The following LARGE1 variants were observed in gnomAD, a reference collection of about 807,000 sequenced individuals.
LARGE1 encodes LARGE xylosyl- and glucuronyltransferase 1, also known as xylosyl- and glucuronyltransferase LARGE1.
Under a neutral mutation model 87.6 loss-of-function variants are expected in LARGE1, and 43 were observed. The observed-to-expected ratio is 0.49, with a 90% CI of 0.38 to 0.63. The LOEUF (loss-of-function observed/expected upper bound fraction) is 0.63. Among genes scored for constraint, LARGE1 ranks in the 30% least tolerant of loss-of-function variants. The pLI is 0.00. For missense variants in LARGE1, 802 were observed against 1,000.2 expected, an observed-to-expected ratio of 0.80 and a Z score of 2.67; for synonymous variants, 434 against 394.6, an observed-to-expected ratio of 1.10 and a Z score of -1.18.
chr22:33,560,194 A>C (rs2077813841), intron 6 of LARGE1, among the ~76,000 whole-genome samples: 1 of 152,204 alleles, frequency 6.6e-6, no homozygotes, highest in Admixed American at 6.5e-5. Context: ...TAGGAACATC[A>C]ACAGTAATCA....
chr22:33,245,895 C>T (rs142072454), intron 11 of LARGE1, among the ~76,000 whole-genome samples: 41 of 152,216 alleles, frequency 2.7e-4, no homozygotes, highest in Non-Finnish European at 4.7e-4. Context: ...GGCAACAGAA[C>T]GAGACTCCAT....
the LARGE1 span, among the ~76,000 whole-genome samples, chr22:33,098,296 C>T: frequency 6.6e-6 from 1 of 152,088 alleles, no homozygotes; most frequent in African/African-American, 2.4e-5. Flanking sequence ...GAGGAAGACC[C>T]GGTCTCAAAA....
intron 6 of LARGE1, among the ~76,000 whole-genome samples, chr22:33,498,903 C>T (rs922862703): frequency 2.0e-5 from 3 of 151,950 alleles, no homozygotes; most frequent in South Asian, 2.1e-4. Flanking sequence ...ATCCAGGAGG[C>T]GGAGGTTGCA....
rs563202120 is a variant in LARGE1 at position 33,491,623 on chromosome 22, A to G, written c.788-59358T>C. On this transcript the variant is annotated intron_variant, in intron 6 of 14. Transcript: ENST00000397394. ...CTGAGCCTCAGCTCTTTGCCTATAA[A>G]GGAGAAATCACAAGGAGCTCTGCCT... Among the ~76,000 whole-genome samples the G allele has an allele frequency of 3.5e-3, 535 of 152,360 alleles. 5 individuals are homozygous for G. The highest frequency in any genetic ancestry group is 0.024 in the South Asian group (114 of 4,826).
At chr22:33,848,148 T>C (rs2063486052) in intron 1 of LARGE1, among the ~76,000 whole-genome samples, 1 of 152,066 alleles carries the variant, frequency 6.6e-6, no homozygotes, top group Admixed American at 6.5e-5. Flanking sequence ...GGCAGCGTAT[T>C]TTTTTTGAGT....
chr22:33,631,572 T>G (rs2080112033), intron 3 of LARGE1, among the ~76,000 whole-genome samples: 1 of 152,190 alleles, frequency 6.6e-6, no homozygotes, highest in East Asian at 1.9e-4. Context: ...CTTGTCCCAC[T>G]GGAAGGTCCT....
At chr22:33,747,199 A>C (rs1306345082) in intron 2 of LARGE1, among the ~76,000 whole-genome samples, 1 of 152,138 alleles carries the variant, frequency 6.6e-6, no homozygotes, top group Non-Finnish European at 1.5e-5. Flanking sequence ...TGAAAGGACT[A>C]AGCTTCCCGA....
intron 6 of LARGE1, among the ~76,000 whole-genome samples, chr22:33,517,125 A>G (rs1488086815): frequency 6.6e-6 from 1 of 152,134 alleles, no homozygotes; most frequent in Non-Finnish European, 1.5e-5. Context: ...TTTCCCTACA[A>G]ATTCCCCTTA....
At chr22:33,873,556 G>T (rs2064369924) in intron 1 of LARGE1, among the ~76,000 whole-genome samples, 1 of 152,048 alleles carries the variant, frequency 6.6e-6, no homozygotes. Context: ...TCTGCCTGGG[G>T]TCCAGCCTCT....
At chr22:33,650,334 C>T (rs1180973941) in intron 3 of LARGE1, 33 bp downstream of exon 3, 2 of 1,613,412 alleles carry the variant, frequency 1.2e-6, no homozygotes, top group Admixed American at 3.3e-5. Context: ...GGACTTTGGA[C>T]AACTTCCTCC....
chr22:33,409,608 G>A (rs942039900), intron 7 of LARGE1, among the ~76,000 whole-genome samples: 4 of 150,800 alleles, frequency 2.7e-5, no homozygotes, highest in African/African-American at 4.8e-5. Flanking sequence ...ATAATAAAAC[G>A]AAATCCACTT....
At chr22:33,577,743 G>A (rs1268395426) in intron 5 of LARGE1, among the ~76,000 whole-genome samples, 2 of 152,242 alleles carry the variant, frequency 1.3e-5, no homozygotes, top group Non-Finnish European at 2.9e-5. Context: ...CACCTTGCAG[G>A]TGAGTTTAAA....
At chr22:33,841,363 G>A (rs1215679268) in intron 1 of LARGE1, among the ~76,000 whole-genome samples, 6 of 152,132 alleles carry the variant, frequency 3.9e-5, no homozygotes, top group African/African-American at 9.7e-5. Flanking sequence ...CAATCTGTAA[G>A]GTCCAGAGGT....
At chr22:33,619,668 C>T (rs1384717764) in intron 4 of LARGE1, among the ~76,000 whole-genome samples, 2 of 152,008 alleles carry the variant, frequency 1.3e-5, no homozygotes. Context: ...TCCAACTAGG[C>T]TCTGCCCATC....
At chr22:33,676,372 C>CAA (rs10567981) in intron 2 of LARGE1, among the ~76,000 whole-genome samples, 469 of 16,316 alleles carry the variant, frequency 0.029, 155 homozygotes, top group Non-Finnish European at 0.048. Context: ...GATTCAATGG[C>CAA]AAAAAAAAAA....
chr22:33,634,282 G>A (rs933478850), intron 3 of LARGE1, among the ~76,000 whole-genome samples: 13 of 152,102 alleles, frequency 8.5e-5, no homozygotes, highest in South Asian at 2.1e-4. Flanking sequence ...AACAGAGTGC[G>A]GACTCCTCCC....
At chr22:33,330,584 A>G (rs1240478877) in intron 10 of LARGE1, among the ~76,000 whole-genome samples, 1 of 152,210 alleles carries the variant, frequency 6.6e-6, no homozygotes, top group African/African-American at 2.4e-5. Context: ...TCAATCAATC[A>G]ACTCATAATA....
At position 33,337,646 on chromosome 22, in the gene LARGE1, G is replaced by T. The variant is rs561439887; in HGVS notation, c.1287C>A (p.Asn429Lys). Residue 429 changes from asparagine (N) to lysine (K), a missense_variant and splice_region_variant, in exon 10 of 15, where the codon AAC becomes AAA. Around this residue, in one of 2 missense-constraint regions of LARGE1, gnomAD observed 625 missense variants for 841.9 expected, o/e 0.74. Transcript: ENST00000397394. ...CTGCCCAGCCTTGCGAGCCACTTAC[G>T]TTTTCACTGTTGACATCAGCCTCAC... is the stretch of plus-strand genomic sequence containing the variant. ...CPSEADVNSE[N>K]LQKQLSELDE... is the part of the protein sequence containing the mutation. 1.2e-6 allele frequency: 2 copies of T among 1,614,024 alleles called. No homozygotes were observed. Among genetic ancestry groups the T allele is most frequent in the South Asian group, 1.1e-5 (1 of 91,062 alleles).
chr22:33,908,597 A>T (rs919265652), intron 1 of LARGE1, among the ~76,000 whole-genome samples: 2 of 152,194 alleles, frequency 1.3e-5, no homozygotes, highest in Non-Finnish European at 2.9e-5. Flanking sequence ...CTGGTTCATA[A>T]CAAGCTTTGT....
Sources: gnomAD v4.1 joint callset for allele counts (sites outside exome capture counted in the v4.1 genomes callset) on GRCh38, gnomAD v4.1.1 for gene constraint, gnomAD v4.1.1 regional missense constraint, MANE v1.5 for transcripts, NCBI Gene and HGNC (gene_info 2026-07-23, HGNC 2026-07-21) for gene names.